LCMT1: variants seen among roughly 807,000 people sequenced by gnomAD.
LCMT1 encodes [Phosphatase 2A protein]-leucine-carboxy methyltransferase 1.
LCMT1 carries 32 observed loss-of-function variants against 47.7 expected under a neutral mutation model. The ratio of observed to expected loss-of-function variants is 0.67; its 90% CI spans 0.51 to 0.90. The LOEUF is 0.90. Among genes scored for constraint, LCMT1 ranks in the 40% least tolerant of loss-of-function variants. LCMT1 has a pLI of 0.00. For missense variants in LCMT1, 375 were observed against 415.2 expected, an observed-to-expected ratio of 0.90 and a Z score of 0.84; for synonymous variants, 152 against 149.7, an observed-to-expected ratio of 1.02 and a Z score of -0.11.
intron 6 of LCMT1, 71 bp downstream of exon 6, chr16:25,161,275 A>G: frequency 1.3e-6 from 1 of 742,654 alleles, no homozygotes; most frequent in Non-Finnish European, 2.3e-6. Context: ...GGCCAGTCGG[A>G]AGTACAGCAT....
intron 10 of LCMT1, among the ~76,000 whole-genome samples, chr16:25,175,469 C>CA (rs35504714): frequency 0.26 from 34,931 of 134,800 alleles, 4,211 homozygotes; most frequent in East Asian, 0.36. Context: ...ACTAAAAATA[C>CA]AAAAAAAAAA....
intron 7 of LCMT1, among the ~76,000 whole-genome samples, chr16:25,166,851 A>C (rs1280031848): frequency 6.6e-6 from 1 of 152,090 alleles, no homozygotes; most frequent in Non-Finnish European, 1.5e-5. Flanking sequence ...TCTGTCTTCT[A>C]TCCTGATGGA....
intron 10 of LCMT1, among the ~76,000 whole-genome samples, chr16:25,176,956 G>T (rs1195695591): frequency 6.6e-6 from 1 of 151,392 alleles, no homozygotes; most frequent in African/African-American, 2.4e-5. Flanking sequence ...AAGGCAGGCA[G>T]ATCACCTGAG....
intron 9 of LCMT1, among the ~76,000 whole-genome samples, chr16:25,173,998 G>A (rs558319218): frequency 3.3e-5 from 5 of 152,246 alleles, no homozygotes; most frequent in East Asian, 1.9e-4. Context: ...TGCAACCTCC[G>A]CCTTCCAGGT....
At chr16:25,136,272 G>C (rs1054863975) in intron 3 of LCMT1, among the ~76,000 whole-genome samples, 1 of 151,740 alleles carries the variant, frequency 6.6e-6, no homozygotes, top group Non-Finnish European at 1.5e-5. Flanking sequence ...GAGGTGGTCA[G>C]CCATGTCGAG....
intron 2 of LCMT1, among the ~76,000 whole-genome samples, chr16:25,130,935 A>G (rs1960334041): frequency 6.6e-6 from 1 of 152,220 alleles, no homozygotes; most frequent in Non-Finnish European, 1.5e-5. Context: ...AAAGGTAGTC[A>G]TTCAGCTCCA....
chr16:25,171,980 A>G (rs1961788924), intron 9 of LCMT1, among the ~76,000 whole-genome samples: 1 of 152,146 alleles, frequency 6.6e-6, no homozygotes, highest in Admixed American at 6.6e-5. Context: ...GCCTTTACAT[A>G]TCAAAATATT....
chr16:25,140,583 G>T, intron 4 of LCMT1: 1 of 275,502 alleles, frequency 3.6e-6, no homozygotes, highest in South Asian at 7.9e-5. Context: ...CTGTCTTGTT[G>T]GCTCCCTGAA....
intron 1 of LCMT1, among the ~76,000 whole-genome samples, chr16:25,124,006 AG>A (rs1471557367): frequency 6.6e-6 from 1 of 152,124 alleles, no homozygotes; most frequent in South Asian, 2.1e-4. Context: ...CTTGTTTCGC[AG>A]GGGTAAGGAT....
intron 3 of LCMT1, among the ~76,000 whole-genome samples, chr16:25,132,842 A>G (rs928418878): frequency 2.0e-5 from 3 of 149,930 alleles, no homozygotes; most frequent in Admixed American, 1.3e-4. Flanking sequence ...TGGAGAGCTC[A>G]TGCATGCATT....
chr16:25,176,549 G>GTT (rs1961947107), intron 10 of LCMT1, among the ~76,000 whole-genome samples: 3 of 62,840 alleles, frequency 4.8e-5, no homozygotes, highest in African/African-American at 1.2e-4. Context: ...TTTTTTTTTG[G>GTT]CTTTTTTTTT....
At chr16:25,151,405 C>T (rs1961075994) in intron 4 of LCMT1, 149 bp from the exon 5 acceptor site, 1 of 640,484 alleles carries the variant, frequency 1.6e-6, no homozygotes, top group Non-Finnish European at 2.7e-6. Flanking sequence ...AAACTGAAGC[C>T]CTTTTTAGAG....
chr16:25,165,634 C>T (rs1352202452), intron 7 of LCMT1, among the ~76,000 whole-genome samples: 2 of 152,026 alleles, frequency 1.3e-5, no homozygotes, highest in African/African-American at 2.4e-5. Context: ...TCTCCTGCCT[C>T]AGCCTTCCAA....
chr16:25,132,488 G>C lies in LCMT1; in HGVS notation c.292G>C (p.Gly98Arg), dbSNP rs775070125. Residue 98 changes from glycine (G) to arginine (R), a missense_variant, in exon 3 of 11, where the codon GGG (glycine) becomes CGG (arginine). Gly to Arg is a moderately radical substitution (Grantham distance 125). Transcript: ENST00000399069. ...TECHCQIVNL[G>R]AGMDTTFWRL... ...ATGTCATTGTCAAATTGTCAACCTT[G>C]GGGCAGGCATGGATACCACCTTCTG... is the stretch of plus-strand genomic sequence containing the variant. 6.2e-7 allele frequency: 1 copy of C among 1,613,884 alleles called. No homozygotes were observed. Among genetic ancestry groups the C allele is most frequent in the Admixed American group, 1.7e-5 (1 of 60,000 alleles).
At chr16:25,137,493 G>A (rs1429056375) in intron 3 of LCMT1, among the ~76,000 whole-genome samples, 1 of 151,996 alleles carries the variant, frequency 6.6e-6, no homozygotes, top group Non-Finnish European at 1.5e-5. Flanking sequence ...CTCCCAGGCT[G>A]GAGTGCAGTG....
intron 9 of LCMT1, among the ~76,000 whole-genome samples, chr16:25,174,505 G>A (rs76457155): frequency 6.6e-6 from 1 of 152,106 alleles, no homozygotes; most frequent in Non-Finnish European, 1.5e-5. Flanking sequence ...TAAATTCCAT[G>A]ATATATATGT....
chr16:25,132,344 G>A, intron 2 of LCMT1, 58 bp from the exon 3 acceptor site: 3 of 1,602,230 alleles, frequency 1.9e-6, no homozygotes, highest in Non-Finnish European at 2.6e-6. Flanking sequence ...GGCTTCACAG[G>A]GATAATTTCT....
intron 5 of LCMT1, chr16:25,159,033 G>T (rs973867235): frequency 6.6e-6 from 1 of 152,138 alleles, no homozygotes; most frequent in South Asian, 2.1e-4. Context: ...TCATGATGAT[G>T]TGTGATTTTT....
intron 1 of LCMT1, among the ~76,000 whole-genome samples, chr16:25,117,175 G>A (rs542902769): frequency 2.6e-5 from 4 of 152,302 alleles, no homozygotes; most frequent in African/African-American, 9.6e-5. Flanking sequence ...AAGGGTTGGT[G>A]ACACAAGGGA....
Sources: gnomAD v4.1 joint callset for allele counts (sites outside exome capture counted in the v4.1 genomes callset) on GRCh38, gnomAD v4.1.1 for gene constraint, MANE v1.5 for transcripts, NCBI Gene and HGNC (gene_info 2026-07-23, HGNC 2026-07-21) for gene names.